Variants in DESI2 observed in about 807,000 individuals in gnomAD.
DESI2 encodes desumoylating isopeptidase 2.
A neutral mutation model predicts 24.1 loss-of-function variants in DESI2; 10 were observed. That is an observed-to-expected ratio of 0.41 (90% CI 0.26 to 0.70). DESI2 has a LOEUF of 0.70. DESI2 is among the 30% of genes least tolerant of loss of function. The pLI is 0.29. For missense variants in DESI2, 122 were observed against 234.9 expected, an observed-to-expected ratio of 0.52 and a Z score of 3.14; for synonymous variants, 71 against 87.7, an observed-to-expected ratio of 0.81 and a Z score of 1.06.
chr1:244,687,828 T>C (rs1676876056), intron 2 of DESI2, among the ~76,000 whole-genome samples: 1 of 152,222 alleles, frequency 6.6e-6, no homozygotes, highest in South Asian at 2.1e-4. Context: ...GTTACTCTTT[T>C]GGCTGATTTG....
At chr1:244,654,478 C>G (rs1204433748) in intron 1 of DESI2, among the ~76,000 whole-genome samples, 1 of 152,184 alleles carries the variant, frequency 6.6e-6, no homozygotes, top group Admixed American at 6.6e-5. Context: ...AGTGGGATTT[C>G]TCATGCCATA....
intron 1 of DESI2, chr1:244,653,709 C>G: frequency 8.0e-6 from 3 of 377,180 alleles, no homozygotes; most frequent in African/African-American, 2.1e-5. Flanking sequence ...TGCCGGCCCC[C>G]GGGGCTGCCC....
chr1:244,686,014 T>C (rs1249856996), intron 1 of DESI2, among the ~76,000 whole-genome samples: 1 of 152,230 alleles, frequency 6.6e-6, no homozygotes, highest in East Asian at 1.9e-4. Context: ...CAGATATTAC[T>C]TTTCTGGGAG....
rs1029635326 is a variant in DESI2 at position 244,708,865 on chromosome 1, A to G, written c.*3076A>G. On this transcript the variant is annotated 3_prime_UTR_variant, in exon 5 of 5. Coordinates refer to ENST00000302550, the MANE Select transcript of DESI2 (RefSeq NM_016076.5). ...GTGTTACAGCTGTCAAAGAATCTTCATGGACCTGAAGATAATTTCTTGTGA... is the reference window on the plus strand; with the variant it reads ...GTGTTACAGCTGTCAAAGAATCTTCGTGGACCTGAAGATAATTTCTTGTGA... 4 of 152,632 alleles carry G rather than the reference A, an allele frequency of 2.6e-5. No individual in the cohort carries two copies. Among genetic ancestry groups the G allele is most frequent in the African/African-American group, 9.6e-5 (4 of 41,460 alleles). The allele number at this position is 152,632 out of a possible 1,614,324, so 9.5% of individuals were successfully genotyped here.
rs147988698 is a variant in DESI2, at chr1:244,705,995, GTT to G, written c.*213_*214del. ...AGAACTTTGTAAGAAGCTGCCCTCT[GTT>G]TTTTTTATCCACTCGTAAATCTGGA... On this transcript the variant is annotated 3_prime_UTR_variant, in exon 5 of 5. Transcript: ENST00000302550. 13 of 547,702 alleles carry G rather than the reference GTT, an allele frequency of 2.4e-5. No homozygotes were observed. The African/African-American group carries it at 2.5e-4, about 10-fold the overall frequency. 33.9% of individuals were successfully genotyped at this position (547,702 alleles called of 1,614,324 possible).
At chr1:244,675,002 C>A (rs913367027) in intron 1 of DESI2, among the ~76,000 whole-genome samples, 8 of 152,182 alleles carry the variant, frequency 5.3e-5, no homozygotes, top group African/African-American at 1.9e-4. Context: ...TCTAATTTCT[C>A]CACATCCTAA....
intron 1 of DESI2, among the ~76,000 whole-genome samples, chr1:244,683,373 G>A (rs1055201415): frequency 6.6e-6 from 1 of 151,886 alleles, no homozygotes; most frequent in Non-Finnish European, 1.5e-5. Flanking sequence ...GTGCAGTGGC[G>A]TGATCTCGGC....
chr1:244,678,237 A>C (rs1676482402), intron 1 of DESI2, among the ~76,000 whole-genome samples: 3 of 152,210 alleles, frequency 2.0e-5, no homozygotes. Context: ...TGGATGGAAT[A>C]TTTCTCTTGC....
intron 1 of DESI2, 131 bp from the exon 2 acceptor site, chr1:244,686,466 C>T: frequency 3.1e-6 from 2 of 639,812 alleles, no homozygotes; most frequent in South Asian, 3.7e-5. Flanking sequence ...CACAGAGCCA[C>T]AGAGACAGGA....
intron 1 of DESI2, among the ~76,000 whole-genome samples, chr1:244,683,869 T>TG (rs1368709162): frequency 7.2e-6 from 1 of 139,026 alleles, no homozygotes; most frequent in African/African-American, 2.7e-5. Flanking sequence ...GGTACCTGGC[T>TG]AATTTTTTTT....
chr1:244,660,542 C>A (rs567030328), intron 1 of DESI2, among the ~76,000 whole-genome samples: 1 of 152,158 alleles, frequency 6.6e-6, no homozygotes, highest in Non-Finnish European at 1.5e-5. Flanking sequence ...TATTTGAATT[C>A]CAAAGCAACA....
intron 4 of DESI2, among the ~76,000 whole-genome samples, chr1:244,695,844 T>C (rs1230216974): frequency 4.6e-5 from 7 of 152,156 alleles, no homozygotes; most frequent in Non-Finnish European, 1.5e-5. Context: ...AATGTGATCA[T>C]AGTTCATTGC....
At chr1:244,683,023 G>A (rs1275712002) in intron 1 of DESI2, among the ~76,000 whole-genome samples, 1 of 152,198 alleles carries the variant, frequency 6.6e-6, no homozygotes, top group Non-Finnish European at 1.5e-5. Context: ...TGCAGCCAGG[G>A]AGCAGGGTGG....
chr1:244,683,475 C>A (rs542215970), intron 1 of DESI2, among the ~76,000 whole-genome samples: 1 of 151,704 alleles, frequency 6.6e-6, no homozygotes, highest in Non-Finnish European at 1.5e-5. Flanking sequence ...TCACACCCGG[C>A]TAATTTTTTG....
chr1:244,677,462 C>T (rs1676450711), intron 1 of DESI2, among the ~76,000 whole-genome samples: 1 of 152,164 alleles, frequency 6.6e-6, no homozygotes, highest in South Asian at 2.1e-4. Flanking sequence ...TCTTCAACTT[C>T]TGGGGGTCCT....
Position 244,663,182 on chromosome 1 carries a change from G to GT in DESI2, c.42+9838dup, listed in dbSNP as rs113437695. Among the ~76,000 whole-genome samples, 257 of 146,834 alleles carry GT rather than the reference G, an allele frequency of 1.8e-3. 1 individual carries two copies. The highest frequency in any genetic ancestry group is 2.9e-3 in the Admixed American group (42 of 14,734). Reference sequence around the variant, plus strand: ...CAACCAAAGCCTGGTTTAACTTGCAGTTTTTTTTTTTCCTTTTTTTTGACA... The same window carrying GT: ...CAACCAAAGCCTGGTTTAACTTGCAGTTTTTTTTTTTTCCTTTTTTTTGACA... On this transcript the variant is annotated intron_variant, in intron 1 of 4. Transcript: ENST00000302550.
chr1:244,678,493 T>C (rs2148796858), intron 1 of DESI2, among the ~76,000 whole-genome samples: 1 of 152,338 alleles, frequency 6.6e-6, no homozygotes, highest in Non-Finnish European at 1.5e-5. Flanking sequence ...ATTCTCATCC[T>C]AATTCTTTAC....
intron 1 of DESI2, among the ~76,000 whole-genome samples, chr1:244,660,723 C>T (rs1675812101): frequency 6.6e-6 from 1 of 152,132 alleles, no homozygotes; most frequent in African/African-American, 2.4e-5. Flanking sequence ...GTGACAGTAA[C>T]TTAAAAACAA....
intron 1 of DESI2, chr1:244,653,938 GCTAACATTTCTCAAGAAA>G: frequency 2.1e-6 from 1 of 471,208 alleles, no homozygotes; most frequent in Admixed American, 2.3e-5. Context: ...TATGAATGAG[GCTAACATTTCTCAAGAAA>G]ATAGCCCAGC....
Sources: gnomAD v4.1 joint callset for allele counts (sites outside exome capture counted in the v4.1 genomes callset) on GRCh38, gnomAD v4.1.1 for gene constraint, MANE v1.5 for transcripts, NCBI Gene and HGNC (gene_info 2026-07-23, HGNC 2026-07-21) for gene names.